The following MDFIC variants were observed in gnomAD, a reference collection of about 807,000 sequenced individuals.
MDFIC encodes myoD family inhibitor domain-containing protein.
In MDFIC, 17 loss-of-function variants were observed where a neutral mutation model predicts 23.2. The observed-to-expected ratio is 0.73, with a 90% CI of 0.50 to 1.10. The LOEUF (loss-of-function observed/expected upper bound fraction) is 1.10, where lower values mean the gene tolerates loss of function less well. Ranked by LOEUF, MDFIC falls within the 50% of genes least tolerant of loss-of-function variation. The probability of loss-of-function intolerance (pLI) is 0.00; values close to 1 mark genes in which losing one functional copy is unlikely to be tolerated. For synonymous variants in MDFIC, 120 were observed against 115.2 expected (o/e 1.04, Z -0.27); for missense variants, 356 against 316.6 (o/e 1.12, Z -0.95).
At chr7:114,968,071 C>G (rs1212531289) in intron 3 of MDFIC, among the ~76,000 whole-genome samples, 1 of 152,136 alleles carries the variant, frequency 6.6e-6, no homozygotes, top group Non-Finnish European at 1.5e-5. Flanking sequence ...CCTGCCTCAG[C>G]CTCCCAATGT....
intron 4 of MDFIC, among the ~76,000 whole-genome samples, chr7:115,001,779 A>G (rs892516707): frequency 1.3e-5 from 2 of 152,202 alleles, no homozygotes; most frequent in African/African-American, 4.8e-5. Context: ...GTATGCACCT[A>G]CTGGCTCTTG....
intron 3 of MDFIC, among the ~76,000 whole-genome samples, chr7:114,963,034 T>G (rs1585104600): frequency 6.6e-6 from 1 of 152,228 alleles, no homozygotes; most frequent in East Asian, 1.9e-4. Context: ...TGTGGTTGTA[T>G]TTTACATTTA....
Position 115,015,901 on chromosome 7 carries a change from G to T in MDFIC, c.707G>T (p.Cys236Phe), listed in dbSNP as rs781095600. The change falls in exon 5 of 5, where the codon TGT (cysteine) becomes TTT (phenylalanine). Residue 236 changes from cysteine (C) to phenylalanine (F), a missense_variant. Cys to Phe is a radical substitution (Grantham distance 205, BLOSUM62 -2). Transcript: ENST00000393486. ...CCESSDCLEI[C>F]MECCGICFPS ...GAATCATCAGACTGCTTGGAAATCTGTATGGAATGCTGTGGAATTTGTTTT... is the reference window on the plus strand; with the variant it reads ...GAATCATCAGACTGCTTGGAAATCTTTATGGAATGCTGTGGAATTTGTTTT... The T allele has an allele frequency of 2.7e-5, 43 of 1,613,884 alleles. No homozygotes were observed. Among genetic ancestry groups the T allele is most frequent in the Non-Finnish European group, 3.4e-5 (40 of 1,179,954 alleles).
chr7:115,015,648 T>G, intron 4 of MDFIC, 40 bp from the exon 5 acceptor site: 2 of 1,591,482 alleles, frequency 1.3e-6, no homozygotes, highest in Non-Finnish European at 1.7e-6. Context: ...GTGTTCCTCC[T>G]TTTTCTCACT....
At chr7:114,926,889 T>C (rs917551968) in intron 2 of MDFIC, among the ~76,000 whole-genome samples, 3 of 152,204 alleles carry the variant, frequency 2.0e-5, no homozygotes, top group Admixed American at 2.0e-4. Flanking sequence ...ATCCTTTTGA[T>C]TAAGGATGGC....
At chr7:114,995,439 TG>T (rs1463387354) in intron 4 of MDFIC, among the ~76,000 whole-genome samples, 4 of 152,048 alleles carry the variant, frequency 2.6e-5, no homozygotes, top group Non-Finnish European at 5.9e-5. Flanking sequence ...TTTAGAATTT[TG>T]TTTTTCTGCT....
At chr7:114,936,467 T>C (rs1212494258) in intron 2 of MDFIC, among the ~76,000 whole-genome samples, 1 of 152,152 alleles carries the variant, frequency 6.6e-6, no homozygotes, top group East Asian at 1.9e-4. Flanking sequence ...GTTTGAACAG[T>C]TGTCTTATAG....
chr7:114,965,617 C>T (rs1793079760), intron 3 of MDFIC, among the ~76,000 whole-genome samples: 1 of 152,132 alleles, frequency 6.6e-6, no homozygotes, highest in African/African-American at 2.4e-5. Context: ...GCAAAGGTTA[C>T]TGATTCAGTT....
At chr7:114,964,304 T>G (rs1301949526) in intron 3 of MDFIC, among the ~76,000 whole-genome samples, 1 of 152,198 alleles carries the variant, frequency 6.6e-6, no homozygotes, top group Non-Finnish European at 1.5e-5. Flanking sequence ...TTAAAAATCA[T>G]CAGGGTTAAG....
At position 114,942,335 on chromosome 7, in the gene MDFIC, C is replaced by A. The variant is rs1792559438; in HGVS notation, c.155C>A (p.Thr52Lys). The stretch of plus-strand genomic sequence containing the variant: ...ACTCAAGCTACCAATAGCCACTTCA[C>A]ACATGGAGAGATGCAAGACCAGTCC... ...DITQATNSHF[T>K]HGEMQDQSIW... The change falls in exon 3 of 5, where the codon ACA becomes AAA. Residue 52 changes from threonine (T) to lysine (K), a missense_variant. Coordinates refer to ENST00000393486, the MANE Select transcript of MDFIC (RefSeq NM_001166345.3). 6.2e-7 allele frequency: 1 copy of A among 1,604,306 alleles called. No homozygotes were observed. Among genetic ancestry groups the A allele is most frequent in the African/African-American group, 1.3e-5 (1 of 74,682 alleles).
At chr7:115,003,689 A>G (rs1791509816) in intron 4 of MDFIC, among the ~76,000 whole-genome samples, 1 of 152,170 alleles carries the variant, frequency 6.6e-6, no homozygotes, top group Non-Finnish European at 1.5e-5. Flanking sequence ...TGGCATCTCT[A>G]AAACTGTCTG....
At chr7:115,010,588 TG>T (rs1461846222) in intron 4 of MDFIC, among the ~76,000 whole-genome samples, 1 of 152,200 alleles carries the variant, frequency 6.6e-6, no homozygotes, top group Non-Finnish European at 1.5e-5. Flanking sequence ...AAATGCATTT[TG>T]GTTTGTGGCT....
chr7:115,019,121 C>A lies in MDFIC; in HGVS notation c.*3186C>A, dbSNP rs1278379746. Reference sequence around the variant, plus strand: ...TACAATATATGCTGAGATTAAAAACCAAGGTAAAAATGATCAAACATATAT... The same window carrying A: ...TACAATATATGCTGAGATTAAAAACAAAGGTAAAAATGATCAAACATATAT... On this transcript the variant is annotated 3_prime_UTR_variant, in exon 5 of 5. Transcript: ENST00000393486. 6.6e-6 allele frequency: 1 copy of A among 151,162 alleles called. No homozygotes were observed. Among genetic ancestry groups the A allele is most frequent in the African/African-American group, 2.4e-5 (1 of 41,152 alleles). The allele number at this position is 151,162 out of a possible 1,614,324, so 9.4% of individuals were successfully genotyped here.
At chr7:114,934,734 GTATGATTATATAACTTCCTTGTGTTTGCA>G (rs1792391487) in intron 2 of MDFIC, among the ~76,000 whole-genome samples, 3 of 152,142 alleles carry the variant, frequency 2.0e-5, no homozygotes. Flanking sequence ...CATTTATAGT[GTATGATTATATAACTTCCTTGTGTTTGCA>G]CAATCTTGAA....
At chr7:114,977,601 C>T (rs1793341986) in intron 3 of MDFIC, among the ~76,000 whole-genome samples, 1 of 152,096 alleles carries the variant, frequency 6.6e-6, no homozygotes. Context: ...CCAGAGTAGC[C>T]TAGGGATGTC....
chr7:114,975,820 G>A (rs1040100726), intron 3 of MDFIC, among the ~76,000 whole-genome samples: 6 of 151,902 alleles, frequency 3.9e-5, no homozygotes, highest in East Asian at 1.9e-4. Context: ...TTTGACTTAC[G>A]TAATACACAC....
intron 3 of MDFIC, among the ~76,000 whole-genome samples, chr7:114,970,942 C>G (rs1024382950): frequency 1.3e-5 from 2 of 152,128 alleles, no homozygotes; most frequent in African/African-American, 2.4e-5. Context: ...GCAAGCATGA[C>G]TTTTTGAAAT....
Position 114,930,143 on chromosome 7 carries a change from T to C in MDFIC, c.94+7016T>C, listed in dbSNP as rs75647877. 1.2e-3 allele frequency among the ~76,000 whole-genome samples: 180 copies of C among 152,296 alleles called. 1 individual carries two copies. Among genetic ancestry groups the C allele is most frequent in the East Asian group, 8.1e-3 (42 of 5,182 alleles). ...TGGGGCAAATAAAATGCCTGCTGGG[T>C]AACACAAAGAAATTAACTAGGACTG... On this transcript the variant is annotated intron_variant, in intron 2 of 4. Coordinates refer to ENST00000393486, the MANE Select transcript of MDFIC (RefSeq NM_001166345.3).
intron 3 of MDFIC, among the ~76,000 whole-genome samples, chr7:114,955,888 T>C (rs1461251117): frequency 1.3e-5 from 2 of 152,198 alleles, no homozygotes; most frequent in African/African-American, 4.8e-5. Context: ...ACCTGGGCTA[T>C]CAGCAGCTCA....
Sources: allele counts gnomAD v4.1 joint callset (sites outside exome capture counted in the v4.1 genomes callset), GRCh38; gene constraint gnomAD v4.1.1; transcripts MANE v1.5; gene names NCBI Gene and HGNC (gene_info 2026-07-23, HGNC 2026-07-21).